The following CAMSAP1 variants were observed in gnomAD, a reference collection of about 807,000 sequenced individuals.
CAMSAP1 encodes the protein calmodulin-regulated spectrin-associated protein 1.
In CAMSAP1, 58 loss-of-function variants were observed where a neutral mutation model predicts 143.5. The ratio of observed to expected loss-of-function variants is 0.40; its 90% CI spans 0.33 to 0.50. The LOEUF is 0.50. Ranked by LOEUF, CAMSAP1 falls within the 20% of genes least tolerant of loss-of-function variation. The pLI is 0.45. For synonymous variants in CAMSAP1, 945 were observed against 859.3 expected (o/e 1.10, Z -1.74); for missense variants, 1,969 against 2,115.7 (o/e 0.93, Z 1.36).
chr9:135,907,082 G>T lies in CAMSAP1; in HGVS notation c.78C>A (p.Leu26=). Reference sequence around the variant, plus strand: ...CCGCGTCGTAGCGGTCCAGGGGCACGAGGTCGGCGGCGCCGTCCGGCGGGG... The same window carrying T: ...CCGCGTCGTAGCGGTCCAGGGGCACTAGGTCGGCGGCGCCGTCCGGCGGGG... ...MEAPPDGAAD[L]VPLDRYDAAR... The change falls in exon 1 of 17, where the codon CTC becomes CTA. Residue 26 remains leucine, a synonymous_variant. Transcript: ENST00000389532. 3 of 1,160,214 alleles carry T rather than the reference G, an allele frequency of 2.6e-6. No individual in the cohort carries two copies. Among genetic ancestry groups the T allele is most frequent in the Non-Finnish European group, 3.2e-6 (3 of 937,200 alleles). The allele number at this position is 1,160,214 out of a possible 1,614,324, so 71.9% of individuals were successfully genotyped here.
At chr9:135,904,080 C>A (rs1229969646) in intron 1 of CAMSAP1, among the ~76,000 whole-genome samples, 1 of 152,208 alleles carries the variant, frequency 6.6e-6, no homozygotes, top group Non-Finnish European at 1.5e-5. Context: ...CAGTTTTACA[C>A]AGGAGGTCTA....
rs1357474434 is a variant in CAMSAP1 at position 135,822,657 on chromosome 9, T to C, written c.2004A>G (p.Gly668=). 1.2e-6 allele frequency: 2 copies of C among 1,609,452 alleles called. No homozygotes were observed. Among genetic ancestry groups the C allele is most frequent in the South Asian group, 2.2e-5 (2 of 90,914 alleles). ...FPMGIDPTET[G]PLSVETAGEV... is the part of the protein sequence containing the mutation. ...CTCCTGCGGTTTCCACTGACAGTGG[T>C]CCTGTCTCGGTGGGGTCGATGCCCA... Residue 668 remains glycine, a synonymous_variant, in exon 11 of 17, where the codon GGA becomes GGG. Transcript: ENST00000389532. The surrounding 1 kb of genome is among the most constrained non-coding windows in gnomAD (Gnocchi z 6.1).
chr9:135,883,073 T>C lies in CAMSAP1; in HGVS notation c.166A>G (p.Ile56Val), dbSNP rs1267729165. ...AAAGGGTCTCTGAGGTCCTCAGGGA[T>C]GTTATCTAAGACAGGGAGGGGATGA... ...ICAKAYGRDNIPEDLRDPFYV... is the reference protein window; with the variant it reads ...ICAKAYGRDNVPEDLRDPFYV... The change falls in exon 2 of 17, where the codon ATC (isoleucine) becomes GTC (valine). Residue 56 changes from isoleucine (I) to valine (V), a missense_variant. Transcript: ENST00000389532. 9.0e-6 allele frequency: 14 copies of C among 1,551,504 alleles called. No individual in the cohort carries two copies. Among genetic ancestry groups the C allele is most frequent in the Non-Finnish European group, 1.2e-5 (14 of 1,146,978 alleles).
Position 135,811,722 on chromosome 9 carries a change from C to T in CAMSAP1, c.4507-111G>A. ...AGCACCGCTCCGTGGGAAGCTCTCC[C>T]ACCCGTCAGCTACGGCCTGCCTGTT... On this transcript the variant is annotated intron_variant, in intron 16 of 16. Coordinates refer to ENST00000389532, the MANE Select transcript of CAMSAP1 (RefSeq NM_015447.4). The surrounding 1 kb of genome is among the most constrained non-coding windows in gnomAD (Gnocchi z 4.9). 1 of 1,003,736 alleles carries T rather than the reference C, an allele frequency of 1.0e-6. No homozygotes were observed. Among genetic ancestry groups the T allele is most frequent in the Non-Finnish European group, 1.5e-6 (1 of 681,908 alleles). 62.2% of individuals were successfully genotyped at this position (1,003,736 alleles called of 1,614,324 possible). A position where few individuals can be genotyped will look rare whatever the true frequency, so the allele number is the denominator to read the frequency against.
At chr9:135,884,725 T>C (rs960085851) in intron 1 of CAMSAP1, among the ~76,000 whole-genome samples, 1 of 152,086 alleles carries the variant, frequency 6.6e-6, no homozygotes, top group Non-Finnish European at 1.5e-5. Context: ...CAGGCCCCAA[T>C]GCCAAGCACA....
At position 135,822,073 on chromosome 9, in the gene CAMSAP1, G is replaced by A. The variant is rs1478404258; in HGVS notation, c.2588C>T (p.Pro863Leu). 9.9e-6 allele frequency: 16 copies of A among 1,612,364 alleles called. No individual in the cohort carries two copies. Among genetic ancestry groups the A allele is most frequent in the Admixed American group, 1.7e-5 (1 of 60,012 alleles). ...TTWRQKREQSPSQHGKDPASL... is the reference protein window; with the variant it reads ...TTWRQKREQSLSQHGKDPASL... Reference sequence around the variant, plus strand: ...GGCGGGATCCTTGCCATGCTGGCTCGGACTCTGCTCCCTCTTCTGCCTCCA... The same window carrying A: ...GGCGGGATCCTTGCCATGCTGGCTCAGACTCTGCTCCCTCTTCTGCCTCCA... Residue 863 changes from proline to leucine, a missense_variant, in exon 11 of 17, where the codon CCG becomes CTG. Pro to Leu is a moderately conservative substitution (Grantham distance 98, BLOSUM62 -3). Around this residue, in one of 4 missense-constraint regions of CAMSAP1, gnomAD observed 1,390 missense variants for 1,420.8 expected, o/e 0.98. Transcript: ENST00000389532. This position sits in a 1 kb window ranked among gnomAD's most constrained non-coding sequence, Gnocchi z 6.1.
At chr9:135,849,367 T>C (rs148990145) in intron 7 of CAMSAP1, among the ~76,000 whole-genome samples, 24 of 152,334 alleles carry the variant, frequency 1.6e-4, no homozygotes, top group African/African-American at 5.8e-4. Flanking sequence ...ACGGTGAAGC[T>C]GAAAAATCTT....
At chr9:135,812,441 T>C (rs1588434977) in intron 16 of CAMSAP1, among the ~76,000 whole-genome samples, 1 of 152,154 alleles carries the variant, frequency 6.6e-6, no homozygotes, top group Non-Finnish European at 1.5e-5. Flanking sequence ...ATGCCAGTTA[T>C]GTAAATGCCC....
At chr9:135,906,868 C>G in intron 1 of CAMSAP1, 132 bp downstream of exon 1, 1 of 486,908 alleles carries the variant, frequency 2.1e-6, no homozygotes, top group Non-Finnish European at 2.7e-6. Context: ...AGGCGGCCGG[C>G]CCAGCCCCGA....
chr9:135,821,927 T>C lies in CAMSAP1; in HGVS notation c.2734A>G (p.Lys912Glu). Reference sequence around the variant, plus strand: ...TTCACCACATGCAGGAATGCAGCCTTGCCGAGCTTCAGGCGCTGCCTTGCC... The same window carrying C: ...TTCACCACATGCAGGAATGCAGCCTCGCCGAGCTTCAGGCGCTGCCTTGCC... ...LSARQRLKLG[K>E]AAFLHVVKKG... Residue 912 changes from lysine to glutamate, a missense_variant, in exon 11 of 17, where the codon AAG (lysine) becomes GAG (glutamate). By Grantham distance (56) the Lys-to-Glu change is moderately conservative. Coordinates refer to ENST00000389532, the MANE Select transcript of CAMSAP1 (RefSeq NM_015447.4). This position sits in a 1 kb window ranked among gnomAD's most constrained non-coding sequence, Gnocchi z 4.6. The C allele has an allele frequency of 1.2e-6, 2 of 1,613,318 alleles. No homozygotes were observed. Among genetic ancestry groups the C allele is most frequent in the Non-Finnish European group, 1.7e-6 (2 of 1,179,680 alleles).
rs1364349621 is a variant in CAMSAP1 at position 135,823,989 on chromosome 9, G to A, written c.1361C>T (p.Pro454Leu). 1 of 1,589,996 alleles carries A rather than the reference G, an allele frequency of 6.3e-7. No homozygotes were observed. The highest frequency in any genetic ancestry group is 8.6e-7 in the Non-Finnish European group (1 of 1,167,832). The change falls in exon 10 of 17, where the codon CCT (proline) becomes CTT (leucine). Residue 454 changes from proline (P) to leucine (L), a missense_variant. Pro to Leu is a moderately conservative substitution (Grantham distance 98, BLOSUM62 -3). Around this residue, in one of 4 missense-constraint regions of CAMSAP1, gnomAD observed 1,390 missense variants for 1,420.8 expected, o/e 0.98. Transcript: ENST00000389532. ...TGGCCAGGCTATTGCTGCTCCTCGA[G>A]GCTGACCATCAACTCGGGTCAAAGA... Reference protein sequence around the residue: ...SNSLTRVDGQPRGAAIAWPEK... With the variant: ...SNSLTRVDGQLRGAAIAWPEK...
chr9:135,811,462 G>C lies in CAMSAP1; in HGVS notation c.4656C>G (p.Ile1552Met), dbSNP rs752139135. The C allele has an allele frequency of 6.2e-7, 1 of 1,611,888 alleles. No homozygotes were observed. The highest frequency in any genetic ancestry group is 8.5e-7 in the Non-Finnish European group (1 of 1,178,978). The change falls in exon 17 of 17, where the codon ATC becomes ATG. Residue 1552 changes from isoleucine to methionine, a missense_variant. Around this residue, in one of 4 missense-constraint regions of CAMSAP1, gnomAD observed 143 missense variants for 200.6 expected, o/e 0.71. Coordinates refer to ENST00000389532, the MANE Select transcript of CAMSAP1 (RefSeq NM_015447.4). The surrounding 1 kb of genome is among the most constrained non-coding windows in gnomAD (Gnocchi z 4.9). ...TGPKNITKKM[I>M]DKLYKYSSDR... ...CTGAGCTGTATTTATACAGTTTGTC[G>C]ATCATTTTCTTGGTGATGTTCTTTG...
intron 1 of CAMSAP1, among the ~76,000 whole-genome samples, chr9:135,896,515 T>G (rs1436385480): frequency 6.6e-6 from 1 of 152,116 alleles, no homozygotes; most frequent in African/African-American, 2.4e-5. Flanking sequence ...CACAACCAAC[T>G]AGCAGAATAC....
chr9:135,829,608 C>G (rs1432797528), intron 7 of CAMSAP1, among the ~76,000 whole-genome samples: 1 of 152,158 alleles, frequency 6.6e-6, no homozygotes, highest in Non-Finnish European at 1.5e-5. Context: ...AATCCCAGTA[C>G]TTTTCGAGGC....
intron 1 of CAMSAP1, among the ~76,000 whole-genome samples, chr9:135,888,985 C>A (rs73561606): frequency 0.021 from 3,273 of 152,320 alleles, 125 homozygotes; most frequent in African/African-American, 0.074. Flanking sequence ...TGGCTTCCAG[C>A]CAGAAGGCCA....
chr9:135,856,088 C>A (rs916332116), intron 5 of CAMSAP1, among the ~76,000 whole-genome samples: 7 of 152,054 alleles, frequency 4.6e-5, no homozygotes, highest in Non-Finnish European at 7.4e-5. Flanking sequence ...AACAAAAAAG[C>A]CAAACTATTT....
At chr9:135,851,962 G>T (rs920020498) in intron 5 of CAMSAP1, among the ~76,000 whole-genome samples, 3 of 152,132 alleles carry the variant, frequency 2.0e-5, no homozygotes, top group Admixed American at 2.0e-4. Context: ...CTGCCTGGTT[G>T]TGCCTCGCTC....
At position 135,850,252 on chromosome 9, in the gene CAMSAP1, A is replaced by C; in HGVS notation, c.949-19T>G. 1 of 1,612,712 alleles carries C rather than the reference A, an allele frequency of 6.2e-7. No homozygotes were observed. Among genetic ancestry groups the C allele is most frequent in the East Asian group, 2.2e-5 (1 of 44,876 alleles). Reference sequence around the variant, plus strand: ...CATTCGGCTAAAAGACAAAAACAAAAAACCAAAGTATGATAAGCAGTTTAT... The same window carrying C: ...CATTCGGCTAAAAGACAAAAACAAACAACCAAAGTATGATAAGCAGTTTAT... On this transcript the variant is annotated intron_variant, in intron 6 of 16. Transcript: ENST00000389532.
rs1835057356 is a variant in CAMSAP1, at chr9:135,811,673, T to A, written c.4507-62A>T. On this transcript the variant is annotated intron_variant, in intron 16 of 16. Transcript: ENST00000389532. The surrounding 1 kb of genome is among the most constrained non-coding windows in gnomAD (Gnocchi z 4.9). ...TCAGGGCCACTCCAATTGCCACGAGTTGGGCTCCCACAGCGGCTCAACCAG... is the reference window on the plus strand; with the variant it reads ...TCAGGGCCACTCCAATTGCCACGAGATGGGCTCCCACAGCGGCTCAACCAG... The A allele has an allele frequency of 1.3e-6, 2 of 1,496,636 alleles. No homozygotes were observed. The highest frequency in any genetic ancestry group is 1.4e-5 in the African/African-American group (1 of 71,932). 92.7% of individuals were successfully genotyped at this position (1,496,636 alleles called of 1,614,324 possible).
Sources: allele counts gnomAD v4.1 joint callset (sites outside exome capture counted in the v4.1 genomes callset), GRCh38; gene constraint gnomAD v4.1.1; regional missense constraint gnomAD v4.1.1; non-coding constraint Gnocchi (gnomAD v3.1); transcripts MANE v1.5; gene names NCBI Gene and HGNC (gene_info 2026-07-23, HGNC 2026-07-21).